TMC1: variants seen among roughly 807,000 people sequenced by gnomAD.
TMC1 encodes transmembrane channel-like protein 1.
Under a neutral mutation model 105.8 loss-of-function variants are expected in TMC1, and 84 were observed. The ratio of observed to expected loss-of-function variants is 0.79; its 90% confidence interval spans 0.67 to 0.95. The LOEUF (loss-of-function observed/expected upper bound fraction) is 0.95. Ranked by LOEUF, TMC1 falls within the 40% of genes least tolerant of loss-of-function variation. The pLI is 0.00. For missense variants in TMC1, 817 were observed against 914.1 expected, an observed-to-expected ratio of 0.89 and a Z score of 1.37; for synonymous variants, 315 against 311.5, an observed-to-expected ratio of 1.01 and a Z score of -0.12.
intron 2 of TMC1, among the ~76,000 whole-genome samples, chr9:72,598,281 C>T (rs1048063726): frequency 2.4e-4 from 37 of 152,284 alleles, no homozygotes; most frequent in Middle Eastern, 3.4e-3. Context: ...TCCGACAACC[C>T]ATCGACTTGG....
At chr9:72,673,293 T>TA (rs1280132247) in intron 5 of TMC1, among the ~76,000 whole-genome samples, 1 of 100,100 alleles carries the variant, frequency 1.0e-5, no homozygotes, top group Non-Finnish European at 1.9e-5. Flanking sequence ...CTGAAGAAAC[T>TA]AGAAAAACAA....
intron 10 of TMC1, among the ~76,000 whole-genome samples, chr9:72,749,711 A>T (rs1209555417): frequency 6.6e-6 from 1 of 152,172 alleles, no homozygotes; most frequent in Admixed American, 6.5e-5. Flanking sequence ...TTGACTTCAA[A>T]ATCATTGATT....
At chr9:72,744,686 A>G (rs1278491269) in intron 10 of TMC1, among the ~76,000 whole-genome samples, 1 of 152,240 alleles carries the variant, frequency 6.6e-6, no homozygotes, top group East Asian at 1.9e-4. Context: ...ATCAGTTGTT[A>G]GATAAATCCC....
chr9:72,571,156 C>A (rs1824277045), intron 1 of TMC1, among the ~76,000 whole-genome samples: 1 of 150,478 alleles, frequency 6.6e-6, no homozygotes, highest in African/African-American at 2.4e-5. Context: ...AATCCCGCCT[C>A]TACAAAAAAT....
At chr9:72,699,539 A>G (rs1826606805) in intron 7 of TMC1, among the ~76,000 whole-genome samples, 1 of 152,228 alleles carries the variant, frequency 6.6e-6, no homozygotes, top group Non-Finnish European at 1.5e-5. Context: ...AAATATTTAA[A>G]CGAAATGTAG....
At chr9:72,813,896 C>T (rs896942096) in intron 18 of TMC1, among the ~76,000 whole-genome samples, 1 of 152,162 alleles carries the variant, frequency 6.6e-6, no homozygotes, top group Non-Finnish European at 1.5e-5. Context: ...AGTATGGCCA[C>T]CCTGTATCCT....
At chr9:72,733,519 A>T (rs1827248759) in intron 8 of TMC1, among the ~76,000 whole-genome samples, 1 of 152,142 alleles carries the variant, frequency 6.6e-6, no homozygotes, top group Non-Finnish European at 1.5e-5. Flanking sequence ...TCAGCATAAA[A>T]ACTGAAGTCA....
intron 1 of TMC1, among the ~76,000 whole-genome samples, chr9:72,558,251 A>G (rs1374362588): frequency 6.6e-6 from 1 of 152,214 alleles, no homozygotes; most frequent in Non-Finnish European, 1.5e-5. Context: ...CAACACTTTT[A>G]CATAAACAAA....
chr9:72,711,282 C>T (rs1826830750), intron 8 of TMC1, among the ~76,000 whole-genome samples: 1 of 152,126 alleles, frequency 6.6e-6, no homozygotes, highest in Admixed American at 6.6e-5. Flanking sequence ...GGTATATACC[C>T]AGTAATGGGA....
At chr9:72,800,256 C>T (rs896124668) in intron 17 of TMC1, among the ~76,000 whole-genome samples, 7 of 152,130 alleles carry the variant, frequency 4.6e-5, no homozygotes, top group Admixed American at 3.3e-4. Context: ...TTTATCACAA[C>T]TAAGCCGCTC....
At chr9:72,733,775 T>C (rs528876096) in intron 8 of TMC1, among the ~76,000 whole-genome samples, 1 of 152,202 alleles carries the variant, frequency 6.6e-6, no homozygotes, top group Admixed American at 6.5e-5. Context: ...CTAGCAAGAA[T>C]TTCTTTTCCC....
intron 2 of TMC1, among the ~76,000 whole-genome samples, chr9:72,612,462 C>T (rs1825045989): frequency 6.7e-6 from 1 of 149,824 alleles, no homozygotes; most frequent in African/African-American, 2.5e-5. Context: ...ACAAGAGCCA[C>T]CACTCCCGGC....
Position 72,694,654 on chromosome 9 carries a change from A to T in TMC1, c.176A>T (p.Glu59Val). ...INEDDPEPEP[E>V]DEETRKAREK... Reference sequence around the variant, plus strand: ...GAGGATGACCCAGAACCTGAACCAGAGGATGAAGAAACAAGGAAGGCAAGA... The same window carrying T: ...GAGGATGACCCAGAACCTGAACCAGTGGATGAAGAAACAAGGAAGGCAAGA... Residue 59 changes from glutamate (E) to valine (V), a missense_variant, in exon 7 of 24, where the codon GAG (glutamate) becomes GTG (valine). By Grantham distance (121) the Glu-to-Val change is moderately radical. Transcript: ENST00000297784. The T allele has an allele frequency of 6.2e-7, 1 of 1,612,622 alleles. No homozygotes were observed.
At chr9:72,754,756 GT>G in intron 11 of TMC1, 29 bp from the exon 12 acceptor site, 1 of 1,539,046 alleles carries the variant, frequency 6.5e-7, no homozygotes, top group Non-Finnish European at 9.0e-7. Flanking sequence ...GTTTCTAATT[GT>G]TCACTGCTTT....
intron 10 of TMC1, among the ~76,000 whole-genome samples, chr9:72,743,383 A>T (rs949469154): frequency 4.0e-5 from 6 of 148,300 alleles, no homozygotes; most frequent in African/African-American, 7.5e-5. Flanking sequence ...AAAAAAAAAT[A>T]AAAAAAATAA....
chr9:72,763,949 G>T lies in TMC1; in HGVS notation c.742-8464G>T, dbSNP rs577847025. Among the ~76,000 whole-genome samples, 18 of 152,252 alleles carry T rather than the reference G, an allele frequency of 1.2e-4. No homozygotes were observed. In the East Asian group the frequency reaches 3.5e-3, roughly 29 times the overall value. On this transcript the variant is annotated intron_variant, in intron 12 of 23. Coordinates refer to ENST00000297784, the MANE Select transcript of TMC1 (RefSeq NM_138691.3). ...CGATATGACTAGGTTAGAGACTAAG[G>T]TTGGAAGAGCTAAATTTACCTGGCA...
At chr9:72,624,630 C>T (rs1484177208) in intron 3 of TMC1, among the ~76,000 whole-genome samples, 1 of 152,204 alleles carries the variant, frequency 6.6e-6, no homozygotes, top group Non-Finnish European at 1.5e-5. Context: ...CAACAGCAGA[C>T]TATCTCTGGC....
chr9:72,715,476 A>G (rs1417129381), intron 8 of TMC1, among the ~76,000 whole-genome samples: 1 of 151,644 alleles, frequency 6.6e-6, no homozygotes, highest in Non-Finnish European at 1.5e-5. Context: ...ACTGTTTTTT[A>G]TCTAATCTTG....
At chr9:72,544,319 G>T (rs1823728035) in intron 1 of TMC1, among the ~76,000 whole-genome samples, 1 of 116,082 alleles carries the variant, frequency 8.6e-6, no homozygotes, top group Non-Finnish European at 1.8e-5. Context: ...GGTGTCATAT[G>T]ACCAGGCCCC....
Sources: gnomAD v4.1 joint callset for allele counts (sites outside exome capture counted in the v4.1 genomes callset) on GRCh38, gnomAD v4.1.1 for gene constraint, MANE v1.5 for transcripts, NCBI Gene and HGNC (gene_info 2026-07-23, HGNC 2026-07-21) for gene names.